CLNK: variants seen among roughly 807,000 people sequenced by gnomAD.
CLNK encodes the protein cytokine dependent hematopoietic cell linker, also known as cytokine-dependent hematopoietic cell linker.
A neutral mutation model predicts 68.6 loss-of-function variants in CLNK; 74 were observed. The observed-to-expected ratio is 1.08, with a 90% CI of 0.89 to 1.31. CLNK has a LOEUF of 1.31. CLNK is among the 50% of genes most tolerant of loss of function. The pLI, the probability that CLNK is intolerant of heterozygous loss-of-function variation, is 0.00. For missense variants in CLNK, 553 were observed against 515.3 expected (o/e 1.07, Z -0.71); for synonymous variants, 198 against 172.2 (o/e 1.15, Z -1.17).
At chr4:10,723,905 A>AGAGAGC in the CLNK span, among the ~76,000 whole-genome samples, 1 of 144,094 alleles carries the variant, frequency 6.9e-6, no homozygotes. Flanking sequence ...AGAGAGAGAG[A>AGAGAGC]GAGAGAGAGA....
rs199521662 is a variant in CLNK at position 10,654,274 on chromosome 4, AC to A, written c.11+13584del. ...TTCAAGTTTCGTTTAACATTACCAAACCCATTAACATAAATCTTTATATTAA... is the reference window on the plus strand; with the variant it reads ...TTCAAGTTTCGTTTAACATTACCAAACCATTAACATAAATCTTTATATTAA... On this transcript the variant is annotated intron_variant, in intron 2 of 18. Coordinates refer to ENST00000226951, the MANE Select transcript of CLNK (RefSeq NM_052964.4). Among the ~76,000 whole-genome samples the A allele has an allele frequency of 1.9e-3, 285 of 151,366 alleles. 3 individuals carry two copies. The highest frequency in any genetic ancestry group is 6.4e-3 in the African/African-American group (263 of 41,338).
chr4:10,558,332 T>C, intron 8 of CLNK, 75 bp downstream of exon 8: 2 of 1,224,800 alleles, frequency 1.6e-6, no homozygotes, highest in Non-Finnish European at 1.2e-6. Context: ...CCACAAACAG[T>C]AATGCGAGAG....
In CLNK at chr4:10,560,519, C is replaced by T. The variant is rs150037008; in HGVS notation, c.400-2067G>A. Among the ~76,000 whole-genome samples, 943 of 152,316 alleles carry T rather than the reference C, an allele frequency of 6.2e-3. 8 individuals are homozygous for T. In the Middle Eastern group the frequency reaches 0.065, roughly 10 times the overall value. On this transcript the variant is annotated intron_variant, in intron 7 of 18. Transcript: ENST00000226951. ...AATGCAGTGGCATGATTTCAGCTCA[C>T]CGCAACCTTGACCTCCCGGGCTCAA...
intron 2 of CLNK, among the ~76,000 whole-genome samples, chr4:10,656,807 T>A (rs993538769): frequency 1.3e-5 from 2 of 152,202 alleles, no homozygotes; most frequent in Admixed American, 1.3e-4. Context: ...ACAACTCAAG[T>A]GTCTATTGAC....
At chr4:10,644,858 G>C (rs1268778220) in intron 2 of CLNK, among the ~76,000 whole-genome samples, 1 of 152,108 alleles carries the variant, frequency 6.6e-6, no homozygotes, top group African/African-American at 2.4e-5. Context: ...ATATTTATAA[G>C]AGGATACTTA....
chr4:10,571,358 G>T (rs1720340484), intron 5 of CLNK, among the ~76,000 whole-genome samples: 1 of 124,440 alleles, frequency 8.0e-6, no homozygotes. Flanking sequence ...TTTTGAGACA[G>T]AGTTTCGCTC....
intron 2 of CLNK, among the ~76,000 whole-genome samples, chr4:10,628,792 A>C (rs1022868562): frequency 5.3e-5 from 8 of 152,212 alleles, no homozygotes; most frequent in Non-Finnish European, 1.2e-4. Flanking sequence ...CCCAAAGTGT[A>C]GGATTCTCTG....
intron 2 of CLNK, among the ~76,000 whole-genome samples, chr4:10,643,626 G>C (rs1015778204): frequency 6.6e-5 from 10 of 152,196 alleles, no homozygotes; most frequent in African/African-American, 2.4e-4. Flanking sequence ...TGAGGGAGGG[G>C]CTACGCCAGT....
At chr4:10,549,194 A>G (rs1479397484) in intron 8 of CLNK, among the ~76,000 whole-genome samples, 1 of 152,352 alleles carries the variant, frequency 6.6e-6, no homozygotes, top group East Asian at 1.9e-4. Context: ...AAGTGCTGAT[A>G]CCATGAGCTT....
chr4:10,545,149 C>T (rs1465687820), intron 8 of CLNK, among the ~76,000 whole-genome samples: 1 of 152,170 alleles, frequency 6.6e-6, no homozygotes, highest in Admixed American at 6.5e-5. Context: ...CAAATATATT[C>T]ATTCCTCCTT....
intron 16 of CLNK, among the ~76,000 whole-genome samples, chr4:10,511,876 G>C (rs537884408): frequency 6.6e-6 from 1 of 152,248 alleles, no homozygotes; most frequent in East Asian, 1.9e-4. Context: ...ATAGACTAAG[G>C]AATGGAATAC....
chr4:10,720,768 G>A, the CLNK span, among the ~76,000 whole-genome samples: 3 of 150,964 alleles, frequency 2.0e-5, no homozygotes, highest in South Asian at 2.1e-4. Flanking sequence ...AAAATTGTAC[G>A]GGGACGCTGG....
chr4:10,505,231 T>C (rs1717242966), intron 17 of CLNK, among the ~76,000 whole-genome samples: 1 of 152,168 alleles, frequency 6.6e-6, no homozygotes, highest in Admixed American at 6.5e-5. Flanking sequence ...CTCAAGGAGC[T>C]GCATCAGCCA....
chr4:10,671,183 C>T (rs951416296), intron 1 of CLNK, among the ~76,000 whole-genome samples: 6 of 151,960 alleles, frequency 3.9e-5, no homozygotes, highest in African/African-American at 7.3e-5. Flanking sequence ...GCCAGGAGTT[C>T]GAGGCCAGCC....
At chr4:10,588,710 A>G (rs1244628932) in intron 3 of CLNK, among the ~76,000 whole-genome samples, 3 of 152,222 alleles carry the variant, frequency 2.0e-5, no homozygotes, top group Non-Finnish European at 2.9e-5. Context: ...GAGGTTGGAT[A>G]TAAGTATATA....
chr4:10,709,830 C>T, the CLNK span, among the ~76,000 whole-genome samples: 1 of 152,208 alleles, frequency 6.6e-6, no homozygotes, highest in Non-Finnish European at 1.5e-5. Flanking sequence ...GTGGCTCTAT[C>T]ACCCTAGCTG....
At chr4:10,626,316 T>G (rs905819689) in intron 2 of CLNK, among the ~76,000 whole-genome samples, 7 of 152,244 alleles carry the variant, frequency 4.6e-5, no homozygotes, top group Admixed American at 2.6e-4. Flanking sequence ...CTCCCCTTTT[T>G]GTTTCTCATT....
the CLNK span, among the ~76,000 whole-genome samples, chr4:10,723,616 G>A: frequency 6.6e-6 from 1 of 151,970 alleles, no homozygotes; most frequent in South Asian, 2.1e-4. Flanking sequence ...TCATTTTTGC[G>A]TTTCTATCCA....
intron 12 of CLNK, among the ~76,000 whole-genome samples, chr4:10,530,967 G>A (rs1560203757): frequency 6.6e-6 from 1 of 152,196 alleles, no homozygotes; most frequent in African/African-American, 2.4e-5. Context: ...TTCTTGGCAC[G>A]ATTGTCTTAT....
Sources: gnomAD v4.1 joint callset for allele counts (sites outside exome capture counted in the v4.1 genomes callset) on GRCh38, gnomAD v4.1.1 for gene constraint, MANE v1.5 for transcripts, NCBI Gene and HGNC (gene_info 2026-07-23, HGNC 2026-07-21) for gene names.